Variants in SLC24A3 observed in about 807,000 individuals in gnomAD.
SLC24A3 encodes solute carrier family 24 member 3.
In SLC24A3, 28 loss-of-function variants were observed where a neutral mutation model predicts 75.8. That is an observed-to-expected ratio of 0.37 (90% confidence interval 0.27 to 0.51). The LOEUF is 0.51. Ranked by LOEUF, SLC24A3 falls within the 20% of genes least tolerant of loss-of-function variation. The pLI, the probability that SLC24A3 is intolerant of heterozygous loss-of-function variation, is 0.94. For missense variants in SLC24A3, 663 were observed against 847.8 expected (o/e 0.78, Z 2.71); for synonymous variants, 372 against 334.1 (o/e 1.11, Z -1.24).
In SLC24A3 at chr20:19,225,348, C is replaced by T. The variant is rs1981842911; in HGVS notation, c.142+12364C>T. Among the ~76,000 whole-genome samples, 3 of 152,242 alleles carry T rather than the reference C, an allele frequency of 2.0e-5. No individual in the cohort carries two copies. The South Asian group carries it at 6.2e-4, about 32-fold the overall frequency. On this transcript the variant is annotated intron_variant, in intron 1 of 16. Transcript: ENST00000328041. ...TCCACAGTTTGGTTGTTTGAAATCA[C>T]AGGTGTTTGTTGGGCCATGTGCAGG...
intron 2 of SLC24A3, among the ~76,000 whole-genome samples, chr20:19,390,059 G>A (rs1203865350): frequency 1.3e-5 from 2 of 152,050 alleles, no homozygotes; most frequent in Non-Finnish European, 2.9e-5. Flanking sequence ...CAGAATTTTT[G>A]TTGTTTCCTT....
intron 6 of SLC24A3, among the ~76,000 whole-genome samples, chr20:19,608,786 A>G (rs919472465): frequency 6.6e-6 from 1 of 152,188 alleles, no homozygotes; most frequent in Non-Finnish European, 1.5e-5. Context: ...AACACACAAT[A>G]TTCACTAATG....
intron 4 of SLC24A3, among the ~76,000 whole-genome samples, chr20:19,584,651 G>A (rs1330916390): frequency 6.6e-6 from 1 of 152,146 alleles, no homozygotes; most frequent in Non-Finnish European, 1.5e-5. Flanking sequence ...CAGCCCCTGC[G>A]GGAATTGGGT....
intron 6 of SLC24A3, among the ~76,000 whole-genome samples, chr20:19,650,375 T>C (rs1316183919): frequency 1.3e-5 from 2 of 152,194 alleles, no homozygotes; most frequent in East Asian, 3.8e-4. Flanking sequence ...ATTTTCCTAT[T>C]TTTATTAAAG....
intron 2 of SLC24A3, among the ~76,000 whole-genome samples, chr20:19,501,008 A>G (rs1038289761): frequency 1.3e-5 from 2 of 152,268 alleles, no homozygotes; most frequent in East Asian, 3.9e-4. Context: ...TAATTGTATT[A>G]CTTTATGGAT....
chr20:19,291,552 G>A (rs957588423), intron 2 of SLC24A3, among the ~76,000 whole-genome samples: 8 of 152,188 alleles, frequency 5.3e-5, no homozygotes, highest in African/African-American at 1.7e-4. Flanking sequence ...GCTATCCTAC[G>A]GACGCTTCTG....
intron 7 of SLC24A3, 60 bp from the exon 8 acceptor site, chr20:19,665,804 T>TG: frequency 7.0e-7 from 1 of 1,422,694 alleles, no homozygotes; most frequent in South Asian, 1.3e-5. Flanking sequence ...TGTGTGTGTG[T>TG]GTGTGTGTGT....
In SLC24A3 at chr20:19,585,070, G is replaced by A. The variant is rs1419470937; in HGVS notation, c.508+15G>A. ...ATCGGTCATAGGTAGGTGACAGACT[G>A]AGGGACATCTCAGACCTTCACTGTC... is the stretch of plus-strand genomic sequence containing the variant. On this transcript the variant is annotated intron_variant, in intron 5 of 16. Transcript: ENST00000328041. The A allele has an allele frequency of 6.2e-7, 1 of 1,604,388 alleles. No homozygotes were observed. The highest frequency in any genetic ancestry group is 8.5e-7 in the Non-Finnish European group (1 of 1,171,898).
At chr20:19,651,853 T>C (rs1202726609) in intron 6 of SLC24A3, among the ~76,000 whole-genome samples, 7 of 112,180 alleles carry the variant, frequency 6.2e-5, no homozygotes, top group Admixed American at 3.0e-4. Context: ...AGAGAGAGAC[T>C]CCATCTCAAA....
intron 2 of SLC24A3, among the ~76,000 whole-genome samples, chr20:19,314,388 A>ACTG (rs1211127776): frequency 7.9e-5 from 12 of 151,272 alleles, no homozygotes; most frequent in Non-Finnish European, 1.8e-4. Flanking sequence ...ATCTCGGCTC[A>ACTG]CTGCAACCTT....
intron 2 of SLC24A3, among the ~76,000 whole-genome samples, chr20:19,440,626 C>G (rs78016144): frequency 0.011 from 1,647 of 148,702 alleles, 29 homozygotes; most frequent in African/African-American, 0.039. Context: ...GAAACAGTTC[C>G]TGGAGGAGAG....
At chr20:19,555,688 C>A (rs1353898509) in intron 3 of SLC24A3, among the ~76,000 whole-genome samples, 3 of 152,094 alleles carry the variant, frequency 2.0e-5, no homozygotes, top group African/African-American at 7.2e-5. Flanking sequence ...ATCGTAAAAC[C>A]AGTTCCCTTA....
At chr20:19,460,352 GC>G in intron 2 of SLC24A3, among the ~76,000 whole-genome samples, 1 of 152,192 alleles carries the variant, frequency 6.6e-6, no homozygotes, top group South Asian at 2.1e-4. Flanking sequence ...GACCAACTAT[GC>G]CCCGTCTTTC....
intron 12 of SLC24A3, among the ~76,000 whole-genome samples, chr20:19,687,808 C>T (rs1438899384): frequency 6.6e-6 from 1 of 152,050 alleles, no homozygotes; most frequent in South Asian, 2.1e-4. Context: ...TGTGGGGTTT[C>T]AAGGTCTTTG....
intron 3 of SLC24A3, among the ~76,000 whole-genome samples, chr20:19,549,362 A>G (rs1184686737): frequency 1.3e-5 from 2 of 152,248 alleles, no homozygotes; most frequent in Non-Finnish European, 2.9e-5. Flanking sequence ...TTGTCCTCCA[A>G]GATTAAAAGT....
At chr20:19,669,996 G>A (rs1488973450) in intron 8 of SLC24A3, among the ~76,000 whole-genome samples, 10 of 152,132 alleles carry the variant, frequency 6.6e-5, no homozygotes, top group African/African-American at 1.9e-4. Context: ...GGTGCCCAGC[G>A]TCCTAGGTGA....
chr20:19,533,578 A>T (rs2030343218), intron 3 of SLC24A3, among the ~76,000 whole-genome samples: 1 of 152,194 alleles, frequency 6.6e-6, no homozygotes, highest in Admixed American at 6.5e-5. Context: ...CACTATGCAG[A>T]GGCAGAGGGG....
At chr20:19,379,575 C>T (rs1236052870) in intron 2 of SLC24A3, among the ~76,000 whole-genome samples, 1 of 152,112 alleles carries the variant, frequency 6.6e-6, no homozygotes, top group Non-Finnish European at 1.5e-5. Context: ...GCCATGGTGA[C>T]CTGTGCTCAC....
intron 2 of SLC24A3, among the ~76,000 whole-genome samples, chr20:19,378,257 T>C (rs972846046): frequency 6.6e-6 from 1 of 151,552 alleles, no homozygotes; most frequent in African/African-American, 2.4e-5. Flanking sequence ...TCTACAACAG[T>C]GCACAGAGCT....
Sources: gnomAD v4.1 joint callset for allele counts (sites outside exome capture counted in the v4.1 genomes callset) on GRCh38, gnomAD v4.1.1 for gene constraint, MANE v1.5 for transcripts, NCBI Gene and HGNC (gene_info 2026-07-23, HGNC 2026-07-21) for gene names.